CNNM2: variants seen among roughly 807,000 people sequenced by gnomAD.
The protein encoded by CNNM2 is cyclin and CBS domain divalent metal cation transport mediator 2, also known as metal transporter CNNM2.
Under a neutral mutation model 66.9 loss-of-function variants are expected in CNNM2, and 12 were observed. The observed-to-expected ratio is 0.18, with a 90% CI of 0.11 to 0.29. The LOEUF (loss-of-function observed/expected upper bound fraction) is 0.29. Ranked by LOEUF, CNNM2 falls within the 10% of genes least tolerant of loss-of-function variation. The probability of loss-of-function intolerance (pLI) is 1.00; values close to 1 mark genes in which losing one functional copy is unlikely to be tolerated. For missense variants in CNNM2, 705 were observed against 1,167.7 expected, an observed-to-expected ratio of 0.60 and a Z score of 5.77; for synonymous variants, 557 against 501.8, an observed-to-expected ratio of 1.11 and a Z score of -1.47.
intron 1 of CNNM2, among the ~76,000 whole-genome samples, chr10:103,036,965 C>A (rs899505078): frequency 6.6e-6 from 1 of 151,970 alleles, no homozygotes; most frequent in African/African-American, 2.4e-5. Context: ...ATGCTCATAT[C>A]GTGGTTGTGA....
At chr10:102,926,021 G>A (rs976145593) in intron 1 of CNNM2, among the ~76,000 whole-genome samples, 1 of 152,142 alleles carries the variant, frequency 6.6e-6, no homozygotes, top group African/African-American at 2.4e-5. Context: ...TTTCTTCTGT[G>A]AGAGTAATGA....
chr10:103,026,187 AT>A (rs1298597653), intron 1 of CNNM2, among the ~76,000 whole-genome samples: 1 of 152,222 alleles, frequency 6.6e-6, no homozygotes, highest in African/African-American at 2.4e-5. Flanking sequence ...TGTCTTGGGT[AT>A]TGTGATGTAG....
rs1430175173 is a variant in CNNM2, at chr10:103,087,862, T to C, written c.*10682T>C. 2.6e-5 allele frequency: 4 copies of C among 152,196 alleles called. No homozygotes were observed. Among genetic ancestry groups the C allele is most frequent in the Non-Finnish European group, 1.5e-5 (1 of 68,034 alleles). 9.4% of individuals were successfully genotyped at this position (152,196 alleles called of 1,614,324 possible). A position where few individuals can be genotyped will look rare whatever the true frequency, so the allele number is the denominator to read the frequency against. On this transcript the variant is annotated 3_prime_UTR_variant, in exon 8 of 8. Coordinates refer to ENST00000369878, the MANE Select transcript of CNNM2 (RefSeq NM_017649.5). ...TCTTGGATGACTTAATCTGAAGCCA[T>C]ATAAGTCCAAAGTAGTGAGACAGAC...
chr10:103,060,734 A>T (rs2065370981), intron 4 of CNNM2, among the ~76,000 whole-genome samples: 1 of 152,222 alleles, frequency 6.6e-6, no homozygotes, highest in South Asian at 2.1e-4. Flanking sequence ...AGGTTACCCA[A>T]TAAACTGGTA....
intron 1 of CNNM2, among the ~76,000 whole-genome samples, chr10:102,979,706 CAAAT>C (rs914292346): frequency 2.0e-5 from 3 of 151,920 alleles, no homozygotes; most frequent in Admixed American, 2.0e-4. Flanking sequence ...ATACATAAAA[CAAAT>C]AGTTGTAATA....
intron 1 of CNNM2, among the ~76,000 whole-genome samples, chr10:102,939,822 T>G (rs1048736079): frequency 6.6e-6 from 1 of 151,904 alleles, no homozygotes; most frequent in East Asian, 1.9e-4. Flanking sequence ...AATACAAAAA[T>G]CAGCTGGGCG....
intron 1 of CNNM2, among the ~76,000 whole-genome samples, chr10:102,937,694 T>G (rs1200826248): frequency 6.6e-6 from 1 of 152,218 alleles, no homozygotes; most frequent in Non-Finnish European, 1.5e-5. Context: ...GATCAAATAT[T>G]TGGTTTGATT....
At chr10:102,976,486 T>G (rs1254714657) in intron 1 of CNNM2, among the ~76,000 whole-genome samples, 1 of 131,132 alleles carries the variant, frequency 7.6e-6, no homozygotes, top group African/African-American at 2.9e-5. Flanking sequence ...CAGGCTGGAG[T>G]GCAGGGGTGT....
At chr10:102,951,629 C>CT (rs562417683) in intron 1 of CNNM2, among the ~76,000 whole-genome samples, 6 of 145,356 alleles carry the variant, frequency 4.1e-5, no homozygotes, top group African/African-American at 1.3e-4. Flanking sequence ...ATTTTAGAAA[C>CT]TTTTTTTTTT....
chr10:103,017,168 C>T (rs1040048437), intron 1 of CNNM2, among the ~76,000 whole-genome samples: 2 of 152,054 alleles, frequency 1.3e-5, no homozygotes, highest in Non-Finnish European at 2.9e-5. Context: ...CGCTGTTCGT[C>T]GTGTCTGAAA....
chr10:103,015,214 A>G (rs1043521913), intron 1 of CNNM2, among the ~76,000 whole-genome samples: 3 of 152,174 alleles, frequency 2.0e-5, no homozygotes, highest in African/African-American at 4.8e-5. Flanking sequence ...CGAACCTGCT[A>G]TAGAGTTTTG....
At chr10:103,037,242 A>G (rs2064958029) in intron 1 of CNNM2, among the ~76,000 whole-genome samples, 1 of 148,562 alleles carries the variant, frequency 6.7e-6, no homozygotes, top group East Asian at 1.9e-4. Context: ...TGGGAATTAT[A>G]TATATTATAT....
chr10:103,012,639 CT>C lies in CNNM2; in HGVS notation c.1622-37046del, dbSNP rs78646079. Among the ~76,000 whole-genome samples the C allele has an allele frequency of 0.022, 2,550 of 118,054 alleles. 28 individuals are homozygous for C. The highest frequency in any genetic ancestry group is 0.026 in the Non-Finnish European group (1,505 of 57,990). 77.4% of individuals were successfully genotyped at this position (118,054 alleles called of 152,430 possible). A position where few individuals can be genotyped will look rare whatever the true frequency, so the allele number is the denominator to read the frequency against. On this transcript the variant is annotated intron_variant, in intron 1 of 7. Coordinates refer to ENST00000369878, the MANE Select transcript of CNNM2 (RefSeq NM_017649.5). ...CTCCAGCCTGGGAAACAGAGCAAGA[CT>C]TTTTTTTTTTTTTTTTTTTTTAAAG...
At chr10:102,931,485 G>C (rs1846063314) in intron 1 of CNNM2, among the ~76,000 whole-genome samples, 1 of 151,566 alleles carries the variant, frequency 6.6e-6, no homozygotes, top group Non-Finnish European at 1.5e-5. Flanking sequence ...AGCCTCCCAG[G>C]TAGCTGGGAT....
At chr10:102,949,253 G>A (rs925726140) in intron 1 of CNNM2, among the ~76,000 whole-genome samples, 8 of 151,956 alleles carry the variant, frequency 5.3e-5, no homozygotes, top group East Asian at 2.0e-4. Flanking sequence ...TCGGCTCACC[G>A]CAACCTCCGC....
In CNNM2 at chr10:103,079,699, C is replaced by T. The variant is rs117449958; in HGVS notation, c.*2519C>T. 12 of 152,276 alleles carry T rather than the reference C, an allele frequency of 7.9e-5. No individual in the cohort carries two copies. In the East Asian group the frequency reaches 1.5e-3, roughly 20 times the overall value. The allele number at this position is 152,276 out of a possible 1,614,324, so 9.4% of individuals were successfully genotyped here. The stretch of plus-strand genomic sequence containing the variant: ...GGCTCCCAAAGGATGAAATTTTAGC[C>T]GCCAAGTTCGTATTCATTTTCTGTT... On this transcript the variant is annotated 3_prime_UTR_variant, in exon 8 of 8. Transcript: ENST00000369878.
intron 5 of CNNM2, among the ~76,000 whole-genome samples, chr10:103,071,549 C>T (rs1443376603): frequency 6.6e-6 from 1 of 152,208 alleles, no homozygotes; most frequent in South Asian, 2.1e-4. Flanking sequence ...TGGTTAGTAA[C>T]AAACTCGTGG....
chr10:103,083,541 G>A lies in CNNM2; in HGVS notation c.*6361G>A, dbSNP rs962181736. ...GATCTCAGCATGACAACATAGAAGA[G>A]CATCTTCTTTGGACAGTGTAAAGTC... On this transcript the variant is annotated 3_prime_UTR_variant, in exon 8 of 8. Transcript: ENST00000369878. 6.6e-6 allele frequency: 1 copy of A among 152,210 alleles called. No individual in the cohort carries two copies. The highest frequency in any genetic ancestry group is 2.4e-5 in the African/African-American group (1 of 41,440). 9.4% of individuals were successfully genotyped at this position (152,210 alleles called of 1,614,324 possible).
At chr10:102,945,176 A>G (rs1269135306) in intron 1 of CNNM2, among the ~76,000 whole-genome samples, 1 of 152,122 alleles carries the variant, frequency 6.6e-6, no homozygotes, top group Non-Finnish European at 1.5e-5. Flanking sequence ...ATCCTTGTCT[A>G]TAGTAACCTG....
Sources: gnomAD v4.1 joint callset for allele counts (sites outside exome capture counted in the v4.1 genomes callset) on GRCh38, gnomAD v4.1.1 for gene constraint, MANE v1.5 for transcripts, NCBI Gene and HGNC (gene_info 2026-07-23, HGNC 2026-07-21) for gene names.